The following DYRK1A variants were observed in gnomAD, a reference collection of about 807,000 sequenced individuals.
DYRK1A encodes the protein dual specificity tyrosine phosphorylation regulated kinase 1A, also known as dual specificity tyrosine-phosphorylation-regulated kinase 1A.
Under a neutral mutation model 79.7 loss-of-function variants are expected in DYRK1A, and 9 were observed. The observed-to-expected ratio is 0.11, with a 90% confidence interval of 0.07 to 0.20. The LOEUF is 0.20. DYRK1A is among the 10% of genes least tolerant of loss of function. DYRK1A has a pLI of 1.00. For missense variants in DYRK1A, 622 were observed against 956.0 expected (o/e 0.65, Z 4.61); for synonymous variants, 349 against 329.7 (o/e 1.06, Z -0.63).
intron 3 of DYRK1A, among the ~76,000 whole-genome samples, chr21:37,477,177 G>A (rs756766756): frequency 1.3e-5 from 2 of 152,096 alleles, no homozygotes; most frequent in Non-Finnish European, 2.9e-5. Flanking sequence ...TGTGTTTACT[G>A]TCACTCTGCC....
chr21:37,496,300 C>T, intron 9 of DYRK1A, 42 bp downstream of exon 9: 1 of 1,569,598 alleles, frequency 6.4e-7, no homozygotes, highest in Non-Finnish European at 8.6e-7. Context: ...TATTAAATTT[C>T]TTTATCATAC....
chr21:37,371,138 G>A (rs1442188934), intron 1 of DYRK1A, among the ~76,000 whole-genome samples: 3 of 152,154 alleles, frequency 2.0e-5, no homozygotes, highest in Non-Finnish European at 2.9e-5. Context: ...GCTCCCAAAT[G>A]AAGAAAGCTT....
chr21:37,404,204 G>A (rs1011499535), intron 1 of DYRK1A, among the ~76,000 whole-genome samples: 4 of 152,142 alleles, frequency 2.6e-5, no homozygotes, highest in African/African-American at 7.2e-5. Context: ...ATTGGCTCAC[G>A]TGACAGTGGA....
chr21:37,401,963 A>G (rs1041427239), intron 1 of DYRK1A, among the ~76,000 whole-genome samples: 1 of 152,176 alleles, frequency 6.6e-6, no homozygotes, highest in Non-Finnish European at 1.5e-5. Context: ...TGCAACTCCT[A>G]CTTCACACTG....
chr21:37,480,563 G>A (rs1214108612), intron 4 of DYRK1A, 75 bp from the exon 5 acceptor site: 2 of 1,188,168 alleles, frequency 1.7e-6, no homozygotes, highest in African/African-American at 3.1e-5. Flanking sequence ...ATAGGTGTGT[G>A]TCAATATACT....
chr21:37,395,934 CT>C (rs1440044555), intron 1 of DYRK1A, among the ~76,000 whole-genome samples: 2 of 152,206 alleles, frequency 1.3e-5, no homozygotes, highest in Non-Finnish European at 2.9e-5. Flanking sequence ...TGTTTTCCAC[CT>C]TGTTAACATA....
chr21:37,429,890 C>T (rs894407301), intron 2 of DYRK1A, among the ~76,000 whole-genome samples: 1 of 152,152 alleles, frequency 6.6e-6, no homozygotes, highest in Non-Finnish European at 1.5e-5. Context: ...TTTTAAAATT[C>T]TTCTCTTGGT....
intron 2 of DYRK1A, among the ~76,000 whole-genome samples, chr21:37,444,358 C>T (rs1004265378): frequency 6.7e-6 from 1 of 149,406 alleles, no homozygotes; most frequent in Non-Finnish European, 1.5e-5. Flanking sequence ...TCAGTAACTG[C>T]AGGAAGGATT....
At chr21:37,405,094 A>C (rs1310491562) in intron 1 of DYRK1A, among the ~76,000 whole-genome samples, 1 of 151,972 alleles carries the variant, frequency 6.6e-6, no homozygotes, top group Non-Finnish European at 1.5e-5. Context: ...TGTTCCTCTG[A>C]TTATATTTCA....
At chr21:37,497,423 C>A (rs1229000469) in intron 9 of DYRK1A, among the ~76,000 whole-genome samples, 2 of 152,246 alleles carry the variant, frequency 1.3e-5, no homozygotes, top group African/African-American at 4.8e-5. Flanking sequence ...TCGAGACCTC[C>A]TGGGCTCTTG....
chr21:37,402,683 A>G lies in DYRK1A; in HGVS notation c.-76-17616A>G, dbSNP rs929539728. On this transcript the variant is annotated intron_variant, in intron 1 of 11. Coordinates refer to ENST00000647188, the MANE Select transcript of DYRK1A (RefSeq NM_001347721.2). The stretch of plus-strand genomic sequence containing the variant: ...ATTATACAACTTGATATTGTTCCAC[A>G]GGTCACTAAGGGTCTGTTCAGTTTT... Among the ~76,000 whole-genome samples, 10 of 152,102 alleles carry G rather than the reference A, an allele frequency of 6.6e-5. 1 individual carries two copies. The East Asian group carries it at 1.9e-3, about 29-fold the overall frequency.
At chr21:37,378,254 CA>C (rs2049587929) in intron 1 of DYRK1A, among the ~76,000 whole-genome samples, 1 of 152,108 alleles carries the variant, frequency 6.6e-6, no homozygotes, top group Admixed American at 6.5e-5. Context: ...TCCTGGGGGC[CA>C]GGCATGGTTT....
chr21:37,492,934 T>C (rs576314123), intron 7 of DYRK1A, 83 bp from the exon 8 acceptor site: 15 of 1,176,638 alleles, frequency 1.3e-5, no homozygotes, highest in Non-Finnish European at 1.7e-5. Context: ...TTCTTTTCTG[T>C]TAATATCAGA....
intron 1 of DYRK1A, among the ~76,000 whole-genome samples, chr21:37,385,016 G>A (rs946436640): frequency 6.6e-6 from 1 of 151,986 alleles, no homozygotes; most frequent in Non-Finnish European, 1.5e-5. Flanking sequence ...TCAGATTGTG[G>A]TTAATGTTGA....
At chr21:37,386,586 A>G (rs557451609) in intron 1 of DYRK1A, among the ~76,000 whole-genome samples, 2 of 152,204 alleles carry the variant, frequency 1.3e-5, no homozygotes, top group South Asian at 2.1e-4. Context: ...TCTTCAATTT[A>G]CCTGTCTATT....
At chr21:37,479,519 C>G (rs142779295) in intron 4 of DYRK1A, among the ~76,000 whole-genome samples, 1 of 148,990 alleles carries the variant, frequency 6.7e-6, no homozygotes. Context: ...GTTAGTTTAC[C>G]AGTTACCTGG....
At chr21:37,368,972 C>CA (rs1346378756) in intron 1 of DYRK1A, among the ~76,000 whole-genome samples, 2 of 152,004 alleles carry the variant, frequency 1.3e-5, no homozygotes, top group African/African-American at 4.8e-5. Context: ...GGCCTTTCCC[C>CA]CCCCAAGAAA....
intron 1 of DYRK1A, among the ~76,000 whole-genome samples, chr21:37,408,602 A>G (rs2050190796): frequency 6.6e-6 from 1 of 152,232 alleles, no homozygotes; most frequent in Admixed American, 6.5e-5. Flanking sequence ...GTCATTCTCT[A>G]TAGCAAAAGT....
At chr21:37,457,032 AC>A (rs199991886) in intron 2 of DYRK1A, among the ~76,000 whole-genome samples, 157 of 70,600 alleles carry the variant, frequency 2.2e-3, no homozygotes, top group African/African-American at 7.0e-3. Context: ...TTACTTACTT[AC>A]TTACTTATTT....
Sources: gnomAD v4.1 joint callset for allele counts (sites outside exome capture counted in the v4.1 genomes callset) on GRCh38, gnomAD v4.1.1 for gene constraint, MANE v1.5 for transcripts, NCBI Gene and HGNC (gene_info 2026-07-23, HGNC 2026-07-21) for gene names.